The following HUWE1 variants were observed in gnomAD, a reference collection of about 807,000 sequenced individuals.
The protein encoded by HUWE1 is HECT, UBA and WWE domain containing E3 ubiquitin protein ligase 1.
A neutral mutation model predicts 299.4 loss-of-function variants in HUWE1; 18 were observed. The observed-to-expected ratio is 0.06, with a 90% CI of 0.04 to 0.09. HUWE1 has a LOEUF of 0.09. HUWE1 is among the 10% of genes least tolerant of loss of function. The pLI, the probability that HUWE1 is intolerant of heterozygous loss-of-function variation, is 1.00. For synonymous variants in HUWE1, 1,317 were observed against 1,286.1 expected, an observed-to-expected ratio of 1.02 and a Z score of -0.51; for missense variants, 1,832 against 3,462.3, an observed-to-expected ratio of 0.53 and a Z score of 11.82.
At chrX:53,626,216 CGTGTGTGTGTGTGT>C (rs58080331) in intron 17 of HUWE1, among the ~76,000 whole-genome samples, 21 of 94,923 alleles carry the variant, frequency 2.2e-4, no homozygotes, top group South Asian at 5.6e-4. Context: ...CATACATACA[CGTGTGTGTGTGTGT>C]GTGTGTGTGT....
intron 51 of HUWE1, 29 bp downstream of exon 51, chrX:53,564,545 G>A: frequency 2.5e-6 from 3 of 1,206,820 alleles, no homozygotes; most frequent in Non-Finnish European, 3.4e-6. Flanking sequence ...CGCCGCAACA[G>A]GGAAATGCTG....
Position 53,562,161 on chromosome X carries a change from C to T in HUWE1, c.7288G>A (p.Asp2430Asn). The T allele has an allele frequency of 8.4e-7, 1 of 1,188,186 alleles. No individual in the cohort carries two copies. The highest frequency in any genetic ancestry group is 1.1e-6 in the Non-Finnish European group (1 of 874,145). The change falls in exon 54 of 84, where the codon GAT becomes AAT. Residue 2430 changes from aspartate to asparagine, a missense_variant. By Grantham distance (23) the Asp-to-Asn change is conservative. Coordinates refer to ENST00000262854, the MANE Select transcript of HUWE1 (RefSeq NM_031407.7). Reference protein sequence around the residue: ...DSSGSNEDEDDSQDEEEEEEE... With the variant: ...DSSGSNEDEDNSQDEEEEEEE... ...TCCTCCTCCTCTTCATCCTGACTAT[C>T]ATCCTCATCCTCGTTACTGCCACTG...
In HUWE1 at chrX:53,544,890, T is replaced by C. The variant is rs182681764; in HGVS notation, c.11049-128A>G. The C allele has an allele frequency of 9.1e-5, 81 of 894,363 alleles. No homozygotes were observed. In the Admixed American group the frequency reaches 1.9e-3, roughly 21 times the overall value. The allele number at this position is 894,363 out of a possible 1,213,427, so 73.7% of individuals were successfully genotyped here. A position where few individuals can be genotyped will look rare whatever the true frequency, so the allele number is the denominator to read the frequency against. ...AGAAGGAAATCTTCCAAGTAGGAAG[T>C]AGAAAAAAATGGGTCAAGTGTGTAT... On this transcript the variant is annotated intron_variant, in intron 71 of 83. Coordinates refer to ENST00000262854, the MANE Select transcript of HUWE1 (RefSeq NM_031407.7).
At chrX:53,559,553 C>T in intron 56 of HUWE1, 21 bp from the exon 57 acceptor site, 2 of 1,193,675 alleles carry the variant, frequency 1.7e-6, no homozygotes, top group South Asian at 1.8e-5. Context: ...ATGGTGGGTA[C>T]CATGATCACT....
At chrX:53,615,466 G>T (rs1357048873) in intron 22 of HUWE1, among the ~76,000 whole-genome samples, 1 of 111,082 alleles carries the variant, frequency 9.0e-6, no homozygotes, top group African/African-American at 3.3e-5. Flanking sequence ...GGCCTCAAGC[G>T]ATCCACCAGC....
intron 17 of HUWE1, chrX:53,625,832 A>ACCGGGGCCGGGGCCGGGGCCAGGG (rs1439888268): frequency 1.5e-5 from 2 of 129,200 alleles, no homozygotes; most frequent in Non-Finnish European, 3.4e-5. Context: ...CGGGACCAGG[A>ACCGGGGCCGGGGCCGGGGCCAGGG]CCGGGGCCGG....
intron 81 of HUWE1, among the ~76,000 whole-genome samples, chrX:53,535,029 C>T (rs1009198221): frequency 1.4e-4 from 15 of 109,749 alleles, no homozygotes; most frequent in East Asian, 2.9e-4. Flanking sequence ...CTCCACCTCC[C>T]GGGTTCAAGC....
At position 53,564,561 on chromosome X, in the gene HUWE1, T is replaced by C; in HGVS notation, c.7029+13A>G. 8.3e-7 allele frequency: 1 copy of C among 1,209,286 alleles called. No homozygotes were observed. Among genetic ancestry groups the C allele is most frequent in the Non-Finnish European group, 1.1e-6 (1 of 895,225 alleles). The stretch of plus-strand genomic sequence containing the variant: ...GCCGCAACAGGGAAATGCTGGGTGA[T>C]CTGCCTCCCTACCTGCATCTCTTGT... On this transcript the variant is annotated intron_variant, in intron 51 of 83. Transcript: ENST00000262854.
At chrX:53,621,000 G>A (rs1452542404) in intron 19 of HUWE1, among the ~76,000 whole-genome samples, 2 of 111,689 alleles carry the variant, frequency 1.8e-5, no homozygotes, top group East Asian at 5.6e-4. Context: ...TAGTCTCTCT[G>A]CCTGGGTTGA....
chrX:53,641,009 G>A (rs989961933), intron 7 of HUWE1, among the ~76,000 whole-genome samples: 1 of 111,573 alleles, frequency 9.0e-6, no homozygotes, highest in Non-Finnish European at 1.9e-5. Flanking sequence ...GATCAAAGCT[G>A]TATTTTTAAT....
chrX:53,622,608 G>A (rs1403038331), intron 19 of HUWE1, among the ~76,000 whole-genome samples: 1 of 110,694 alleles, frequency 9.0e-6, no homozygotes, highest in African/African-American at 3.3e-5. Flanking sequence ...AACAGTTCAG[G>A]CCTAAGAAGC....
In HUWE1 at chrX:53,563,782, C is replaced by G; in HGVS notation, c.7069G>C (p.Glu2357Gln). The change falls in exon 52 of 84, where the codon GAG becomes CAG. Residue 2357 changes from glutamate to glutamine, a missense_variant. Glu to Gln is a conservative substitution (Grantham distance 29, BLOSUM62 2). Transcript: ENST00000262854. ...CTGTTCCCAGATCCGCCATCCCTCT[C>G]AAGCAACTCATCTATCAGGTCCTCC... ...ELEDLIDELL[E>Q]RDGGSGNSTI... 8.3e-7 allele frequency: 1 copy of G among 1,211,613 alleles called. No homozygotes were observed. The highest frequency in any genetic ancestry group is 1.1e-6 in the Non-Finnish European group (1 of 895,461).
At chrX:53,546,325 G>T in intron 70 of HUWE1, 111 bp downstream of exon 70, 3 of 678,918 alleles carry the variant, frequency 4.4e-6, no homozygotes, top group South Asian at 2.3e-5. Flanking sequence ...CTGTGTTATA[G>T]GGATATGGAG....
intron 60 of HUWE1, chrX:53,556,386 C>T (rs2062020557): frequency 3.0e-6 from 1 of 337,406 alleles, no homozygotes; most frequent in African/African-American, 2.7e-5. Flanking sequence ...TGGTGACAGA[C>T]TCTTTTAAAG....
chrX:53,670,856 G>A (rs1181294367), intron 3 of HUWE1, among the ~76,000 whole-genome samples: 5 of 111,569 alleles, frequency 4.5e-5, no homozygotes, highest in Non-Finnish European at 9.4e-5. Flanking sequence ...ATGTATATAC[G>A]TGTATATATG....
At chrX:53,644,550 T>C (rs1200265058) in intron 7 of HUWE1, among the ~76,000 whole-genome samples, 3 of 112,072 alleles carry the variant, frequency 2.7e-5, no homozygotes, top group Non-Finnish European at 5.6e-5. Flanking sequence ...TAGGGATGAA[T>C]TATAGGTGAT....
At position 53,556,861 on chromosome X, in the gene HUWE1, G is replaced by A. The variant is rs919201065; in HGVS notation, c.8206+521C>T. On this transcript the variant is annotated intron_variant, in intron 60 of 83. Coordinates refer to ENST00000262854, the MANE Select transcript of HUWE1 (RefSeq NM_031407.7). ...AAAATATTTTGGTACCACAGAATTA[G>A]GAATATGATCTCTAAATACAAAAAC... 1.8e-4 allele frequency among the ~76,000 whole-genome samples: 20 copies of A among 112,494 alleles called. No homozygotes were observed. In the Admixed American group the frequency reaches 1.9e-3, roughly 11 times the overall value.
intron 35 of HUWE1, 122 bp downstream of exon 35, chrX:53,590,282 A>G (rs2064089200): frequency 3.6e-6 from 2 of 563,104 alleles, no homozygotes; most frequent in Non-Finnish European, 6.4e-6. Flanking sequence ...ATGAATTAGT[A>G]CTCTTCTCAT....
chrX:53,615,076 C>A (rs1349569337), intron 22 of HUWE1, among the ~76,000 whole-genome samples: 1 of 28,463 alleles, frequency 3.5e-5, no homozygotes, highest in African/African-American at 1.5e-4. Context: ...GCTAATAAGG[C>A]GGGGGTGGGG....
Sources: gnomAD v4.1 joint callset for allele counts (sites outside exome capture counted in the v4.1 genomes callset) on GRCh38, gnomAD v4.1.1 for gene constraint, MANE v1.5 for transcripts, NCBI Gene and HGNC (gene_info 2026-07-23, HGNC 2026-07-21) for gene names.